Variants in ADARB2 observed in about 807,000 individuals in gnomAD.
ADARB2 encodes the protein inactive double-stranded RNA-specific editase B2.
A neutral mutation model predicts 62.2 loss-of-function variants in ADARB2; 25 were observed. The observed-to-expected ratio is 0.40, with a 90% CI of 0.29 to 0.56. The LOEUF is 0.56. Among genes scored for constraint, ADARB2 ranks in the 20% least tolerant of loss-of-function variants. The pLI, the probability that ADARB2 is intolerant of heterozygous loss-of-function variation, is 0.43. For missense variants in ADARB2, 1,071 were observed against 1,077.4 expected (o/e 0.99, Z 0.08); for synonymous variants, 572 against 500.8 (o/e 1.14, Z -1.90).
rs1834867250 is a variant in ADARB2 at position 1,704,774 on chromosome 10, T to C, written c.100+32277A>G. Among the ~76,000 whole-genome samples the C allele has an allele frequency of 1.3e-5, 2 of 152,164 alleles. No individual in the cohort carries two copies. On this transcript the variant is annotated intron_variant, in intron 1 of 9. Coordinates refer to ENST00000381312, the MANE Select transcript of ADARB2 (RefSeq NM_018702.4). This position sits in a 1 kb window ranked among gnomAD's most constrained non-coding sequence, Gnocchi z 5.6. ...CAGAGAGCCTGGAAGCACAGAATGA[T>C]AAAAAAGCTAGTGTGGGTCAAGATG... is the stretch of plus-strand genomic sequence containing the variant.
intron 1 of ADARB2, among the ~76,000 whole-genome samples, chr10:1,559,382 T>C (rs902496876): frequency 1.3e-5 from 2 of 152,212 alleles, no homozygotes; most frequent in Non-Finnish European, 2.9e-5. Flanking sequence ...GGAGTCTCTC[T>C]AAGATCCTGC....
chr10:1,555,776 A>T (rs1287991400), intron 1 of ADARB2, among the ~76,000 whole-genome samples: 2 of 152,178 alleles, frequency 1.3e-5, no homozygotes, highest in Non-Finnish European at 2.9e-5. Flanking sequence ...CTCTACTAAA[A>T]ATACAAAAAT....
At chr10:1,457,116 T>C (rs1460074147) in intron 1 of ADARB2, among the ~76,000 whole-genome samples, 3 of 152,068 alleles carry the variant, frequency 2.0e-5, no homozygotes, top group African/African-American at 7.2e-5. Flanking sequence ...CTGGGACAGG[T>C]TTTCATCCTA....
At chr10:1,257,614 A>G (rs1396467048) in intron 4 of ADARB2, among the ~76,000 whole-genome samples, 2 of 152,244 alleles carry the variant, frequency 1.3e-5, no homozygotes, top group Admixed American at 1.3e-4. Context: ...GGAGCAGCAG[A>G]AGGAGACACA....
chr10:1,303,770 A>C (rs1265686204), intron 3 of ADARB2, among the ~76,000 whole-genome samples: 1 of 152,328 alleles, frequency 6.6e-6, no homozygotes, highest in Middle Eastern at 3.4e-3. Context: ...TATCCAGCCA[A>C]ACTAAGCTTC....
rs1356145889 is a variant in ADARB2 at position 1,608,886 on chromosome 10, G to T, written c.100+128165C>A. 2.0e-5 allele frequency among the ~76,000 whole-genome samples: 3 copies of T among 152,116 alleles called. No homozygotes were observed. In the East Asian group the frequency reaches 5.8e-4, roughly 29 times the overall value. On this transcript the variant is annotated intron_variant, in intron 1 of 9. Coordinates refer to ENST00000381312, the MANE Select transcript of ADARB2 (RefSeq NM_018702.4). ...TAGGGACAGCATTTCCCTCCGCATT[G>T]CCGGCCCTCTGTCTTGAGCCCCTGC...
chr10:1,227,417 C>T (rs2131764239), intron 6 of ADARB2, among the ~76,000 whole-genome samples: 1 of 152,338 alleles, frequency 6.6e-6, no homozygotes, highest in Admixed American at 6.5e-5. Flanking sequence ...CAGTGTCCTG[C>T]ACCTACTGTC....
intron 3 of ADARB2, among the ~76,000 whole-genome samples, chr10:1,286,952 GA>G (rs1167354382): frequency 6.6e-6 from 1 of 152,030 alleles, no homozygotes; most frequent in Non-Finnish European, 1.5e-5. Context: ...CATTTTTTTA[GA>G]AAAAATACAG....
chr10:1,225,551 G>A (rs1294931619), intron 6 of ADARB2, among the ~76,000 whole-genome samples: 13 of 152,164 alleles, frequency 8.5e-5, no homozygotes, highest in Non-Finnish European at 8.8e-5. Flanking sequence ...GGCTGGTACC[G>A]GTTGTTCCTT....
chr10:1,275,159 C>G (rs912101139), intron 3 of ADARB2, among the ~76,000 whole-genome samples: 1 of 152,232 alleles, frequency 6.6e-6, no homozygotes, highest in African/African-American at 2.4e-5. Context: ...TCAGCATTTC[C>G]ACAGATGAAG....
intron 1 of ADARB2, among the ~76,000 whole-genome samples, chr10:1,651,403 A>G (rs900094930): frequency 2.6e-5 from 4 of 152,194 alleles, no homozygotes; most frequent in African/African-American, 7.2e-5. Flanking sequence ...CCTGGTTCTC[A>G]GGGTCCTGCA....
intron 1 of ADARB2, chr10:1,395,011 C>A (rs1832599596): frequency 2.2e-6 from 1 of 453,896 alleles, no homozygotes. Context: ...CCTCGAACTC[C>A]TGGGCTCAGT....
At chr10:1,395,016 C>T (rs1832599665) in intron 1 of ADARB2, 2 of 453,398 alleles carry the variant, frequency 4.4e-6, no homozygotes, top group African/African-American at 2.0e-5. Context: ...AACTCCTGGG[C>T]TCAGTTGATC....
At chr10:1,596,733 C>G (rs993814826) in intron 1 of ADARB2, among the ~76,000 whole-genome samples, 3 of 152,200 alleles carry the variant, frequency 2.0e-5, no homozygotes, top group Non-Finnish European at 4.4e-5. Flanking sequence ...CACAACCGGA[C>G]AGAAGCACCT....
chr10:1,239,941 C>T (rs866771012), intron 5 of ADARB2, among the ~76,000 whole-genome samples: 33 of 10,212 alleles, frequency 3.2e-3, no homozygotes, highest in Admixed American at 3.4e-3. Flanking sequence ...CTCCCCTCTG[C>T]CTCCCGGTGT....
At chr10:1,207,333 A>G (rs1311296533) in intron 7 of ADARB2, among the ~76,000 whole-genome samples, 5 of 152,244 alleles carry the variant, frequency 3.3e-5, no homozygotes, top group Non-Finnish European at 5.9e-5. Flanking sequence ...TGACAAGAGC[A>G]AGACTTCATC....
intron 1 of ADARB2, among the ~76,000 whole-genome samples, chr10:1,565,747 C>T (rs1832852027): frequency 6.6e-6 from 1 of 152,134 alleles, no homozygotes. Context: ...ATGCCAAAGA[C>T]ACTTATTTCA....
chr10:1,647,629 T>C (rs1834060775), intron 1 of ADARB2, among the ~76,000 whole-genome samples: 1 of 152,058 alleles, frequency 6.6e-6, no homozygotes, highest in Non-Finnish European at 1.5e-5. Context: ...TTTATATGTG[T>C]GTGGATATAT....
At chr10:1,184,600 C>T (rs533827771) in intron 9 of ADARB2, among the ~76,000 whole-genome samples, 4 of 152,342 alleles carry the variant, frequency 2.6e-5, no homozygotes, top group Admixed American at 6.5e-5. Context: ...GTGCCGGCTC[C>T]GTCAGGGGTT....
Sources: allele counts gnomAD v4.1 joint callset (sites outside exome capture counted in the v4.1 genomes callset), GRCh38; gene constraint gnomAD v4.1.1; non-coding constraint Gnocchi (gnomAD v3.1); transcripts MANE v1.5; gene names NCBI Gene and HGNC (gene_info 2026-07-23, HGNC 2026-07-21).